POLR1C: variants seen among roughly 807,000 people sequenced by gnomAD.
POLR1C encodes DNA-directed RNA polymerases I and III subunit RPAC1.
Under a neutral mutation model 38.3 loss-of-function variants are expected in POLR1C, and 42 were observed. The observed-to-expected ratio is 1.10, with a 90% confidence interval of 0.86 to 1.42. POLR1C has a LOEUF of 1.42. Among genes scored for constraint, POLR1C ranks in the 40% most tolerant of loss-of-function variants. POLR1C has a pLI of 0.00. For missense variants in POLR1C, 507 were observed against 450.5 expected (o/e 1.13, Z -1.14); for synonymous variants, 163 against 163.9 (o/e 0.99, Z 0.04).
Position 43,521,206 on chromosome 6 carries a change from T to A in POLR1C, c.947T>A (p.Leu316Ter). 6.2e-7 allele frequency: 1 copy of A among 1,614,072 alleles called. No homozygotes were observed. Among genetic ancestry groups the A allele is most frequent in the Non-Finnish European group, 8.5e-7 (1 of 1,180,002 alleles). The part of the protein sequence containing the change: ...YIFSVESTGV[L>*]PPDVLVSEAI... ...GTCTCTGTTGAGTCAACGGGGGTGT[T>A]GCCACCAGATGTGCTGGTGAGTGAA... is the stretch of plus-strand genomic sequence containing the variant. The change falls in exon 9 of 9, where the codon TTG becomes TAG. Residue 316 changes from leucine to a stop codon, truncating the protein, a stop_gained. Coordinates refer to ENST00000642195, the MANE Select transcript of POLR1C (RefSeq NM_203290.4). LOFTEE classifies it high-confidence loss of function.
intron 9 of POLR1C, among the ~76,000 whole-genome samples, chr6:43,536,758 TAAAAAAAA>T (rs1156884252): frequency 2.1e-4 from 4 of 19,082 alleles, no homozygotes; most frequent in African/African-American, 7.3e-4. Flanking sequence ...AGACTCTATC[TAAAAAAAA>T]AAAAAAAAAA....
intron 10 of POLR1C, chr6:43,558,467 C>T (rs550496918): frequency 6.5e-7 from 1 of 1,539,966 alleles, no homozygotes; most frequent in African/African-American, 1.4e-5. Context: ...CATTCTGAGA[C>T]TGTTGAGAGA....
chr6:43,517,687 C>A (rs900820919), intron 2 of POLR1C, among the ~76,000 whole-genome samples: 1 of 151,372 alleles, frequency 6.6e-6, no homozygotes, highest in Non-Finnish European at 1.5e-5. Flanking sequence ...GGAAGAGGGG[C>A]GGAGAGGTAC....
chr6:43,520,817 A>C, intron 7 of POLR1C, 43 bp downstream of exon 7: 1 of 1,611,576 alleles, frequency 6.2e-7, no homozygotes, highest in Non-Finnish European at 8.5e-7. Flanking sequence ...CCTAAATTAT[A>C]TTTTCTTTCA....
At chr6:43,534,139 A>G, downstream of POLR1C, 2 of 582,358 alleles carry the variant, frequency 3.4e-6, no homozygotes, top group Non-Finnish European at 6.0e-6. Context: ...GAAAGAAAAG[A>G]AGGTATAAAT....
rs141689928 is a variant in POLR1C at position 43,551,486 on chromosome 6, G to A, written c.*48+475G>A. 478 of 1,603,762 alleles carry A rather than the reference G, an allele frequency of 3.0e-4. No individual in the cohort carries two copies. In the African/African-American group the frequency reaches 5.4e-3, roughly 18 times the overall value. ...AAAGACATAAAACAGGTTGACAATG[G>A]CTGCCTCCACTTAGAAATAACCATT... On this transcript the variant is annotated intron_variant, in intron 10 of 10. Transcript: ENST00000607635.
chr6:43,535,636 C>T (rs754917296), intron 9 of POLR1C, among the ~76,000 whole-genome samples: 3 of 151,676 alleles, frequency 2.0e-5, no homozygotes, highest in Non-Finnish European at 2.9e-5. Context: ...TGGTGAAACC[C>T]CATCTCTACT....
downstream of POLR1C, chr6:43,523,364 A>G (rs1017069783): frequency 1.1e-5 from 3 of 283,946 alleles, no homozygotes; most frequent in Admixed American, 4.9e-5. Context: ...TAACCCAGAC[A>G]TGCCCCTTAG....
rs945977296 is a variant in POLR1C at position 43,519,388 on chromosome 6, T to A, written c.197T>A (p.Val66Glu). 14 of 1,614,056 alleles carry A rather than the reference T, an allele frequency of 8.7e-6. No homozygotes were observed. Among genetic ancestry groups the A allele is most frequent in the Non-Finnish European group, 8.5e-6 (10 of 1,179,910 alleles). Residue 66 changes from valine to glutamate, a missense_variant, in exon 3 of 9, where the codon GTG becomes GAG. Physicochemically the swap from Val to Glu is moderately radical, Grantham distance 121. Coordinates refer to ENST00000642195, the MANE Select transcript of POLR1C (RefSeq NM_203290.4). ...MDENSLEFDM[V>E]GIDAAIANAF... ...GAAAACTCACTGGAGTTTGACATGG[T>A]GGGAATTGACGCAGCCATTGCCAAT...
intron 5 of POLR1C, 27 bp downstream of exon 5, chr6:43,520,212 G>T: frequency 6.2e-7 from 1 of 1,614,072 alleles, no homozygotes; most frequent in Non-Finnish European, 8.5e-7. Flanking sequence ...TGAGGAAGAG[G>T]CCCCACCTGT....
chr6:43,532,234 TAAATG>T (rs576638258), downstream of POLR1C, among the ~76,000 whole-genome samples: 243 of 152,310 alleles, frequency 1.6e-3, no homozygotes, highest in African/African-American at 5.5e-3. Flanking sequence ...ACATAACCCT[TAAATG>T]GAATGGTGTC....
chr6:43,549,848 T>C, intron 9 of POLR1C: 1 of 1,555,600 alleles, frequency 6.4e-7, no homozygotes, highest in Non-Finnish European at 8.8e-7. Flanking sequence ...TTCATACATT[T>C]GTACTCAAGA....
intron 8 of POLR1C, chr6:43,528,107 C>T: frequency 6.4e-7 from 1 of 1,551,944 alleles, no homozygotes; most frequent in Non-Finnish European, 8.7e-7. Context: ...TTTCCCACCC[C>T]AAACCTGGCT....
exon 11 of POLR1C, chr6:43,562,203 C>T (rs974347438): frequency 1.3e-6 from 2 of 1,512,888 alleles, no homozygotes; most frequent in Non-Finnish European, 1.8e-6. Flanking sequence ...AAATGCTCTT[C>T]CCAAATGGGC....
chr6:43,561,010 G>A (rs1762386230), intron 10 of POLR1C: 1 of 1,612,056 alleles, frequency 6.2e-7, no homozygotes, highest in Admixed American at 1.7e-5. Flanking sequence ...TCTGCACCCT[G>A]TAGGAGAAGA....
intron 10 of POLR1C, among the ~76,000 whole-genome samples, chr6:43,556,638 G>A (rs928313387): frequency 4.6e-5 from 7 of 151,906 alleles, no homozygotes; most frequent in African/African-American, 1.7e-4. Flanking sequence ...ACTTGCAATT[G>A]CCATATTATC....
chr6:43,557,783 T>TAAAA (rs59661301), intron 10 of POLR1C, among the ~76,000 whole-genome samples: 2 of 87,230 alleles, frequency 2.3e-5, no homozygotes, highest in African/African-American at 8.3e-5. Context: ...AATAAAGCTG[T>TAAAA]AAAAAAAAAA....
In POLR1C at chr6:43,519,938, T is replaced by C. The variant is rs114815047; in HGVS notation, c.382+100T>C. The C allele has an allele frequency of 1.3e-3, 2,064 of 1,540,564 alleles. 27 individuals carry two copies. The African/African-American group carries it at 0.026, about 19-fold the overall frequency. ...ACTTATCTTTGTACATCAGTGTCTT[T>C]CATCTGTGAGAACACTTGCCTTGTC... On this transcript the variant is annotated intron_variant, in intron 4 of 8. Coordinates refer to ENST00000642195, the MANE Select transcript of POLR1C (RefSeq NM_203290.4).
At chr6:43,561,273 C>G (rs1762400758) in intron 10 of POLR1C, 1 of 381,456 alleles carries the variant, frequency 2.6e-6, no homozygotes, top group Non-Finnish European at 4.7e-6. Context: ...AAAAAACACT[C>G]ATTTCAGAAA....
Sources: allele counts gnomAD v4.1 joint callset (sites outside exome capture counted in the v4.1 genomes callset), GRCh38; gene constraint gnomAD v4.1.1; transcripts MANE v1.5; gene names NCBI Gene and HGNC (gene_info 2026-07-23, HGNC 2026-07-21).